The following SLC26A8 variants were observed in gnomAD, a reference collection of about 807,000 sequenced individuals.
The protein encoded by SLC26A8 is testis anion transporter 1.
In SLC26A8, 70 loss-of-function variants were observed where a neutral mutation model predicts 105.0. The ratio of observed to expected loss-of-function variants is 0.67; its 90% CI spans 0.55 to 0.81. The LOEUF is 0.81. Ranked by LOEUF, SLC26A8 falls within the 40% of genes least tolerant of loss-of-function variation. SLC26A8 has a pLI of 0.00. For missense variants in SLC26A8, 998 were observed against 1,181.8 expected, an observed-to-expected ratio of 0.84 and a Z score of 2.28; for synonymous variants, 415 against 438.3, an observed-to-expected ratio of 0.95 and a Z score of 0.66.
intron 10 of SLC26A8, among the ~76,000 whole-genome samples, chr6:35,971,987 T>C (rs1772815982): frequency 2.0e-5 from 3 of 152,154 alleles, no homozygotes; most frequent in Non-Finnish European, 1.5e-5. Context: ...TCACATCCCC[T>C]TTGCCATGGG....
intron 19 of SLC26A8, among the ~76,000 whole-genome samples, chr6:35,946,380 G>A (rs1771657231): frequency 6.6e-6 from 1 of 152,148 alleles, no homozygotes; most frequent in Non-Finnish European, 1.5e-5. Flanking sequence ...GGAATGACAG[G>A]CATGCGCCAC....
chr6:35,949,307 C>T (rs1771777671), intron 19 of SLC26A8, among the ~76,000 whole-genome samples: 1 of 152,084 alleles, frequency 6.6e-6, no homozygotes, highest in Non-Finnish European at 1.5e-5. Context: ...TGGCGGGCGC[C>T]TGTAGTCCCA....
chr6:36,004,587 C>G (rs965238550), intron 3 of SLC26A8, among the ~76,000 whole-genome samples: 2 of 151,814 alleles, frequency 1.3e-5, no homozygotes, highest in African/African-American at 4.8e-5. Flanking sequence ...CTTTGTACTT[C>G]TTTTTCTTGC....
intron 7 of SLC26A8, among the ~76,000 whole-genome samples, chr6:35,988,454 C>G (rs12198793): frequency 6.6e-6 from 1 of 151,844 alleles, no homozygotes; most frequent in East Asian, 1.9e-4. Flanking sequence ...GCCAACATGG[C>G]GAAACCCCCA....
chr6:35,998,385 G>A (rs760410139), intron 4 of SLC26A8, among the ~76,000 whole-genome samples: 3 of 151,786 alleles, frequency 2.0e-5, no homozygotes, highest in Non-Finnish European at 2.9e-5. Flanking sequence ...GAGAAACCCC[G>A]TCTCTACCAA....
At chr6:36,012,619 G>T (rs1159335000) in intron 2 of SLC26A8, among the ~76,000 whole-genome samples, 2 of 152,190 alleles carry the variant, frequency 1.3e-5, no homozygotes, top group African/African-American at 4.8e-5. Context: ...CGCTTCAGCT[G>T]TGACAGCTAA....
In SLC26A8 at chr6:35,951,149, T is replaced by A. The variant is rs772808585; in HGVS notation, c.2472+14A>T. The A allele has an allele frequency of 6.3e-7, 1 of 1,594,110 alleles. No individual in the cohort carries two copies. Among genetic ancestry groups the A allele is most frequent in the Admixed American group, 1.7e-5 (1 of 59,334 alleles). ...TCCCTTCCCCCAACCTCATGCTTTGTCGGTTTGTCTGACCTTGTCTGTTTC... is the reference window on the plus strand; with the variant it reads ...TCCCTTCCCCCAACCTCATGCTTTGACGGTTTGTCTGACCTTGTCTGTTTC... On this transcript the variant is annotated intron_variant, in intron 19 of 19. Coordinates refer to ENST00000490799, the MANE Select transcript of SLC26A8 (RefSeq NM_052961.4).
intron 7 of SLC26A8, among the ~76,000 whole-genome samples, chr6:35,986,330 A>C (rs1773524186): frequency 6.6e-6 from 1 of 152,208 alleles, no homozygotes; most frequent in African/African-American, 2.4e-5. Context: ...TACCATGCCT[A>C]CATATCTTTT....
intron 8 of SLC26A8, among the ~76,000 whole-genome samples, chr6:35,978,854 T>TC (rs1442848061): frequency 6.6e-6 from 1 of 151,012 alleles, no homozygotes; most frequent in Non-Finnish European, 1.5e-5. Context: ...CTTTTTTTTT[T>TC]TTTATATTGA....
intron 9 of SLC26A8, 94 bp downstream of exon 9, chr6:35,977,110 T>C (rs1773067239): frequency 4.4e-6 from 6 of 1,376,786 alleles, no homozygotes; most frequent in Non-Finnish European, 5.9e-6. Flanking sequence ...TCCAAGTGGC[T>C]CTTCAGTTAA....
chr6:35,944,203 AGC>A lies in SLC26A8; in HGVS notation c.2608_2609del (p.Ala870TrpfsTer15). 4 of 1,614,006 alleles carry A rather than the reference AGC, an allele frequency of 2.5e-6. No homozygotes were observed. Among genetic ancestry groups the A allele is most frequent in the Non-Finnish European group, 3.4e-6 (4 of 1,179,926 alleles). On this transcript the variant is annotated frameshift_variant, in exon 20 of 20. Coordinates refer to ENST00000490799, the MANE Select transcript of SLC26A8 (RefSeq NM_052961.4). LOFTEE classifies it high-confidence loss of function. ...CCAGGTCTAGGTCCAGACCCAGCCC[AGC>A]CTCTTGTTCTGATTCCAGCTCCAAA... ...LDLELESEQEAGLGLDLDLDR... is the reference protein window; with the variant it reads ...LDLELESEQEXGLGLDLDLDR...
intron 16 of SLC26A8, among the ~76,000 whole-genome samples, chr6:35,955,993 C>T (rs1772045221): frequency 6.6e-6 from 1 of 152,130 alleles, no homozygotes; most frequent in Non-Finnish European, 1.5e-5. Flanking sequence ...ATAATTCTAG[C>T]ACTTTGGAAG....
intron 3 of SLC26A8, among the ~76,000 whole-genome samples, chr6:36,007,103 C>T (rs903186002): frequency 7.9e-5 from 12 of 152,082 alleles, no homozygotes; most frequent in Admixed American, 3.9e-4. Flanking sequence ...TCTCACCACC[C>T]TTATTCAACA....
chr6:36,002,109 G>A (rs1761540764), intron 3 of SLC26A8, among the ~76,000 whole-genome samples: 1 of 152,080 alleles, frequency 6.6e-6, no homozygotes, highest in African/African-American at 2.4e-5. Context: ...CCTATGCAAG[G>A]CTCTATTGAT....
rs755925598 is a variant in SLC26A8, at chr6:36,012,383, G to C, written c.189-11C>G. 1.9e-6 allele frequency: 3 copies of C among 1,558,172 alleles called. No homozygotes were observed. Among genetic ancestry groups the C allele is most frequent in the African/African-American group, 1.4e-5 (1 of 71,556 alleles). On this transcript the variant is annotated splice_polypyrimidine_tract_variant and intron_variant, in intron 2 of 19. Transcript: ENST00000490799. The stretch of plus-strand genomic sequence containing the variant: ...CTGTGCCATGAGCAGCTGTGAGAGA[G>C]AGGAGCAGAGACTTGGTTAGTTTCT...
intron 17 of SLC26A8, 37 bp downstream of exon 17, chr6:35,955,115 G>A: frequency 6.2e-7 from 1 of 1,612,974 alleles, no homozygotes; most frequent in Non-Finnish European, 8.5e-7. Context: ...GGTAGGAGGG[G>A]GATCAGAGCT....
intron 16 of SLC26A8, among the ~76,000 whole-genome samples, chr6:35,958,956 C>T (rs1329308514): frequency 1.3e-5 from 2 of 152,130 alleles, no homozygotes; most frequent in African/African-American, 2.4e-5. Context: ...GAAATAGCGG[C>T]CTGTGCTCAT....
chr6:36,015,847 C>A (rs1210274161), intron 2 of SLC26A8, among the ~76,000 whole-genome samples: 10 of 152,054 alleles, frequency 6.6e-5, no homozygotes, highest in Admixed American at 2.6e-4. Context: ...ACTTTCCACA[C>A]TTGTCACCAA....
At chr6:36,008,112 T>C in intron 3 of SLC26A8, among the ~76,000 whole-genome samples, 1 of 112,482 alleles carries the variant, frequency 8.9e-6, no homozygotes, top group Admixed American at 1.1e-4. Flanking sequence ...AGAGCGAGAC[T>C]CCGTCTCAAA....
Sources: allele counts gnomAD v4.1 joint callset (sites outside exome capture counted in the v4.1 genomes callset), GRCh38; gene constraint gnomAD v4.1.1; transcripts MANE v1.5; gene names NCBI Gene and HGNC (gene_info 2026-07-23, HGNC 2026-07-21).